The following ADAM20 variants were observed in gnomAD, a reference collection of about 807,000 sequenced individuals.
ADAM20 encodes the protein disintegrin and metalloproteinase domain-containing protein 20.
For missense variants in ADAM20, 871 were observed against 883.2 expected, an observed-to-expected ratio of 0.99 and a Z score of 0.18; for synonymous variants, 305 against 310.2, an observed-to-expected ratio of 0.98 and a Z score of 0.18.
At chr14:70,536,604 C>A (rs1595025770), upstream of ADAM20, among the ~76,000 whole-genome samples, 1 of 151,636 alleles carries the variant, frequency 6.6e-6, no homozygotes, top group East Asian at 1.9e-4. Context: ...ATAAAAGCAT[C>A]ACCATTTTAA....
chr14:70,525,735 GC>G (rs1461489066), intron 1 of ADAM20, among the ~76,000 whole-genome samples: 1 of 152,000 alleles, frequency 6.6e-6, no homozygotes, highest in Non-Finnish European at 1.5e-5. Flanking sequence ...AGTCAAAAAA[GC>G]CCCACTAAAA....
chr14:70,568,294 C>A, the ADAM20 span, among the ~76,000 whole-genome samples: 2 of 152,156 alleles, frequency 1.3e-5, no homozygotes, highest in Non-Finnish European at 2.9e-5. Flanking sequence ...CCTTGGCCCA[C>A]TGAAAGTACC....
intron 1 of ADAM20, among the ~76,000 whole-genome samples, chr14:70,526,902 A>G (rs1407077500): frequency 6.6e-6 from 1 of 152,136 alleles, no homozygotes; most frequent in African/African-American, 2.4e-5. Flanking sequence ...TGTTTCTCAA[A>G]CTCAGGTCAC....
upstream of ADAM20, among the ~76,000 whole-genome samples, chr14:70,537,420 C>T (rs1040388082): frequency 2.0e-5 from 3 of 152,200 alleles, no homozygotes; most frequent in Non-Finnish European, 4.4e-5. Context: ...ATTCCAACCG[C>T]AACATCCAAC....
chr14:70,574,285 T>C, the ADAM20 span, among the ~76,000 whole-genome samples: 3 of 152,236 alleles, frequency 2.0e-5, no homozygotes, highest in Non-Finnish European at 4.4e-5. Flanking sequence ...AAACACGACA[T>C]ACCAAAATTT....
At chr14:70,562,513 G>A in the ADAM20 span, among the ~76,000 whole-genome samples, 1 of 152,176 alleles carries the variant, frequency 6.6e-6, no homozygotes, top group South Asian at 2.1e-4. Flanking sequence ...TGAGATTTGG[G>A]AGAGGCCAGG....
rs764829431 is a variant in ADAM20 at position 70,522,530 on chromosome 14, T to C, written c.*47A>G. On this transcript the variant is annotated 3_prime_UTR_variant, in exon 2 of 2. Coordinates refer to ENST00000256389, the MANE Select transcript of ADAM20 (RefSeq NM_003814.5). ...TATTTTTCTATTAAAAAATTGGATA[T>C]TAAAAATGAAGTATAAAGTTTAGTC... The C allele has an allele frequency of 2.7e-6, 4 of 1,455,398 alleles. No individual in the cohort carries two copies. The highest frequency in any genetic ancestry group is 3.6e-6 in the Non-Finnish European group (4 of 1,100,712). 90.2% of individuals were successfully genotyped at this position (1,455,398 alleles called of 1,614,324 possible).
At chr14:70,553,289 C>T in the ADAM20 span, among the ~76,000 whole-genome samples, 1 of 72,080 alleles carries the variant, frequency 1.4e-5, no homozygotes, top group Admixed American at 1.7e-4. Context: ...TGCACATGTA[C>T]CCTAAAACTT....
At chr14:70,534,098 AAAAAAAAAAAC>A (rs1316956633) in intron 1 of ADAM20, among the ~76,000 whole-genome samples, 2 of 149,828 alleles carry the variant, frequency 1.3e-5, no homozygotes, top group African/African-American at 2.4e-5. Context: ...AAAAAAAAAA[AAAAAAAAAAAC>A]ACACACACAC....
chr14:70,527,976 C>G (rs1425711558), intron 1 of ADAM20, among the ~76,000 whole-genome samples: 1 of 152,200 alleles, frequency 6.6e-6, no homozygotes, highest in Non-Finnish European at 1.5e-5. Context: ...TTAAATTCAA[C>G]TTCTGCTTTG....
In ADAM20 at chr14:70,524,672, G is replaced by C. The variant is rs142051635; in HGVS notation, c.86C>G (p.Ser29Cys). 2 of 1,613,888 alleles carry C rather than the reference G, an allele frequency of 1.2e-6. No individual in the cohort carries two copies. Among genetic ancestry groups the C allele is most frequent in the African/African-American group, 1.3e-5 (1 of 74,912 alleles). The change falls in exon 2 of 2, where the codon TCT becomes TGT. Residue 29 changes from serine (S) to cysteine (C), a missense_variant. By Grantham distance (112) the Ser-to-Cys change is moderately radical. Coordinates refer to ENST00000256389, the MANE Select transcript of ADAM20 (RefSeq NM_003814.5). ...FGMFLSISGH[S>C]QARPSQYFTS... Reference sequence around the variant, plus strand: ...GAAATACTGGGAGGGCCTGGCCTGAGAGTGGCCAGAAATAGACAAAAACAT... The same window carrying C: ...GAAATACTGGGAGGGCCTGGCCTGACAGTGGCCAGAAATAGACAAAAACAT...
the ADAM20 span, among the ~76,000 whole-genome samples, chr14:70,569,897 A>C: frequency 1.5e-5 from 2 of 136,862 alleles, no homozygotes; most frequent in African/African-American, 6.3e-5. Flanking sequence ...AAAAAAAAAA[A>C]AAAAAAAAAA....
chr14:70,526,421 A>G (rs1343768588), intron 1 of ADAM20, among the ~76,000 whole-genome samples: 2 of 152,172 alleles, frequency 1.3e-5, no homozygotes, highest in African/African-American at 2.4e-5. Flanking sequence ...TAGGTAAAGT[A>G]TATCTGATAG....
chr14:70,562,307 T>C, the ADAM20 span, among the ~76,000 whole-genome samples: 2 of 152,190 alleles, frequency 1.3e-5, no homozygotes, highest in Non-Finnish European at 2.9e-5. Flanking sequence ...ATTTCTCCCA[T>C]TTTGAATGGG....
At chr14:70,537,627 T>C (rs1289972896), upstream of ADAM20, among the ~76,000 whole-genome samples, 2 of 152,182 alleles carry the variant, frequency 1.3e-5, no homozygotes, top group Admixed American at 1.3e-4. Context: ...GTCTTTTGTC[T>C]GGGGACAACT....
the ADAM20 span, among the ~76,000 whole-genome samples, chr14:70,545,424 C>T: frequency 6.6e-6 from 1 of 152,124 alleles, no homozygotes; most frequent in Non-Finnish European, 1.5e-5. Flanking sequence ...GCTGTGCTCA[C>T]CTGACACCTG....
chr14:70,534,159 C>A (rs1244966824), intron 1 of ADAM20, among the ~76,000 whole-genome samples: 1 of 149,038 alleles, frequency 6.7e-6, no homozygotes, highest in Admixed American at 6.7e-5. Context: ...TTAATCTTAT[C>A]CTAAATTATT....
chr14:70,548,958 G>A, the ADAM20 span, among the ~76,000 whole-genome samples: 8 of 111,710 alleles, frequency 7.2e-5, no homozygotes, highest in Admixed American at 2.8e-4. Context: ...CGGATCTCTC[G>A]GCAGAAACCC....
chr14:70,555,412 AT>A, the ADAM20 span, among the ~76,000 whole-genome samples: 1 of 152,178 alleles, frequency 6.6e-6, no homozygotes, highest in South Asian at 2.1e-4. Context: ...TTAACTGTCA[AT>A]TTTTTAAAAA....
Sources: gnomAD v4.1 joint callset for allele counts (sites outside exome capture counted in the v4.1 genomes callset) on GRCh38, gnomAD v4.1.1 for gene constraint, MANE v1.5 for transcripts, NCBI Gene and HGNC (gene_info 2026-07-23, HGNC 2026-07-21) for gene names.